The following PACRG variants were observed in gnomAD, a reference collection of about 807,000 sequenced individuals.
PACRG encodes parkin coregulated.
A neutral mutation model predicts 29.7 loss-of-function variants in PACRG; 29 were observed. The ratio of observed to expected loss-of-function variants is 0.98; its 90% CI spans 0.73 to 1.33. PACRG has a LOEUF of 1.33. Among genes scored for constraint, PACRG ranks in the 40% most tolerant of loss-of-function variants. PACRG has a pLI of 0.00. For missense variants in PACRG, 279 were observed against 316.2 expected (o/e 0.88, Z 0.89); for synonymous variants, 116 against 118.7 (o/e 0.98, Z 0.15).
At position 162,907,331 on chromosome 6, in the gene PACRG, T is replaced by C. The variant is rs1796001755; in HGVS notation, c.291+93050T>C. Among the ~76,000 whole-genome samples the C allele has an allele frequency of 2.0e-5, 3 of 152,312 alleles. No individual in the cohort carries two copies. The South Asian group carries it at 6.2e-4, about 32-fold the overall frequency. On this transcript the variant is annotated intron_variant, in intron 2 of 4. Coordinates refer to ENST00000366888, the MANE Select transcript of PACRG (RefSeq NM_001080379.2). Reference sequence around the variant, plus strand: ...TCAATACATGCCTATTTTATGTATTTAGTAGGTGGATATCTGAACTCATTC... The same window carrying C: ...TCAATACATGCCTATTTTATGTATTCAGTAGGTGGATATCTGAACTCATTC...
chr6:163,065,108 G>C (rs191215535), intron 3 of PACRG, among the ~76,000 whole-genome samples: 13 of 152,022 alleles, frequency 8.6e-5, no homozygotes, highest in Non-Finnish European at 1.5e-5. Context: ...CCACACCGTG[G>C]GTCTCGGACA....
chr6:163,022,529 G>T (rs73783971), intron 2 of PACRG, among the ~76,000 whole-genome samples: 1 of 152,100 alleles, frequency 6.6e-6, no homozygotes, highest in Admixed American at 6.5e-5. Context: ...GAGTTCTGAC[G>T]AGGAGCAGCT....
intron 4 of PACRG, among the ~76,000 whole-genome samples, chr6:163,137,810 G>C (rs1193471104): frequency 6.6e-6 from 1 of 152,268 alleles, no homozygotes; most frequent in Non-Finnish European, 1.5e-5. Flanking sequence ...GCAGGAGCTG[G>C]CCCCACAGCC....
chr6:162,749,164 C>G (rs924088451), intron 1 of PACRG, among the ~76,000 whole-genome samples: 2 of 152,082 alleles, frequency 1.3e-5, no homozygotes, highest in African/African-American at 2.4e-5. Flanking sequence ...TTTGTTTAAC[C>G]ACCTGCTGTT....
intron 4 of PACRG, among the ~76,000 whole-genome samples, chr6:163,242,748 G>A (rs945745231): frequency 5.3e-5 from 8 of 152,178 alleles, no homozygotes; most frequent in South Asian, 2.1e-4. Flanking sequence ...ACAGATTACC[G>A]AGTTGTGTCA....
intron 2 of PACRG, among the ~76,000 whole-genome samples, chr6:162,928,943 G>A (rs768005928): frequency 1.3e-5 from 2 of 151,786 alleles, no homozygotes; most frequent in Non-Finnish European, 2.9e-5. Context: ...GCAAATGACA[G>A]GATTTCATCC....
chr6:162,881,308 G>A (rs1562693828), intron 2 of PACRG, among the ~76,000 whole-genome samples: 2 of 152,176 alleles, frequency 1.3e-5, no homozygotes, highest in Non-Finnish European at 2.9e-5. Flanking sequence ...CTTTGGGGCT[G>A]TAAATGAGGC....
At chr6:162,884,500 T>C (rs1029370816) in intron 2 of PACRG, among the ~76,000 whole-genome samples, 1 of 152,124 alleles carries the variant, frequency 6.6e-6, no homozygotes, top group Non-Finnish European at 1.5e-5. Context: ...TAACAGTAGG[T>C]AAATCTGGGT....
intron 4 of PACRG, chr6:163,191,518 A>C (rs1460305646): frequency 2.5e-6 from 1 of 392,850 alleles, no homozygotes; most frequent in Non-Finnish European, 5.1e-6. Flanking sequence ...TCCTCTCTAA[A>C]GAGAAGGCAT....
intron 4 of PACRG, among the ~76,000 whole-genome samples, chr6:163,272,786 A>G (rs900632260): frequency 6.6e-6 from 1 of 152,026 alleles, no homozygotes; most frequent in Non-Finnish European, 1.5e-5. Context: ...AATGATCATA[A>G]TATTTTTTAC....
chr6:163,106,353 A>G (rs1383347574), intron 4 of PACRG, among the ~76,000 whole-genome samples: 2 of 152,194 alleles, frequency 1.3e-5, no homozygotes, highest in Non-Finnish European at 2.9e-5. Flanking sequence ...TCCAGTGTTT[A>G]AACTAGCAGT....
At chr6:162,995,215 AGAGGTG>A (rs1303227447) in intron 2 of PACRG, among the ~76,000 whole-genome samples, 79 of 149,138 alleles carry the variant, frequency 5.3e-4, no homozygotes, top group African/African-American at 1.8e-3. Context: ...CCCTGCCCCC[AGAGGTG>A]GAGCCTACAG....
chr6:163,026,945 G>T (rs541300401), intron 2 of PACRG, among the ~76,000 whole-genome samples: 1 of 152,276 alleles, frequency 6.6e-6, no homozygotes, highest in African/African-American at 2.4e-5. Flanking sequence ...GGAAGCCCTG[G>T]GGCAGCCAGG....
At chr6:162,756,899 A>G (rs1484206705) in intron 1 of PACRG, among the ~76,000 whole-genome samples, 1 of 152,098 alleles carries the variant, frequency 6.6e-6, no homozygotes, top group Non-Finnish European at 1.5e-5. Context: ...ACTTTCCTAT[A>G]ATTGCATGTA....
intron 3 of PACRG, among the ~76,000 whole-genome samples, chr6:163,086,532 A>G (rs1813575914): frequency 6.6e-6 from 1 of 152,050 alleles, no homozygotes; most frequent in Non-Finnish European, 1.5e-5. Flanking sequence ...TTACATTTGT[A>G]TTTACTTTCA....
At chr6:162,962,565 T>C (rs1800714681) in intron 2 of PACRG, among the ~76,000 whole-genome samples, 1 of 144,344 alleles carries the variant, frequency 6.9e-6, no homozygotes, top group African/African-American at 2.8e-5. Flanking sequence ...TGTGTTCTTA[T>C]GGGAAGAAGA....
intron 1 of PACRG, among the ~76,000 whole-genome samples, chr6:162,799,734 C>T (rs1785694070): frequency 6.6e-6 from 1 of 151,788 alleles, no homozygotes. Flanking sequence ...TTTCAGTTTG[C>T]ATCATTAGAC....
intron 4 of PACRG, among the ~76,000 whole-genome samples, chr6:163,254,703 C>G (rs146805299): frequency 1.3e-5 from 2 of 152,196 alleles, no homozygotes; most frequent in South Asian, 2.1e-4. Context: ...GACCCCTGCC[C>G]GTGCAGCAGG....
rs74727026 is a variant in PACRG at position 162,780,482 on chromosome 6, T to C, written c.157-33665T>C. Among the ~76,000 whole-genome samples, 1,297 of 152,258 alleles carry C rather than the reference T, an allele frequency of 8.5e-3. 20 individuals carry two copies. Among genetic ancestry groups the C allele is most frequent in the African/African-American group, 0.03 (1,246 of 41,546 alleles). ...TATAGCTATACTAAAATTCTTAGCC[T>C]GTAAAAAGTAATATCCAAAATGTCT... is the stretch of plus-strand genomic sequence containing the variant. On this transcript the variant is annotated intron_variant, in intron 1 of 4. Coordinates refer to ENST00000366888, the MANE Select transcript of PACRG (RefSeq NM_001080379.2).
Sources: gnomAD v4.1 joint callset for allele counts (sites outside exome capture counted in the v4.1 genomes callset) on GRCh38, gnomAD v4.1.1 for gene constraint, MANE v1.5 for transcripts, NCBI Gene and HGNC (gene_info 2026-07-23, HGNC 2026-07-21) for gene names.